The following NXNL2 variants were observed in gnomAD, a reference collection of about 807,000 sequenced individuals.
NXNL2 encodes the protein nucleoredoxin-like protein 2.
NXNL2 carries 7 observed loss-of-function variants against 11.1 expected under a neutral mutation model. The observed-to-expected ratio is 0.63, with a 90% confidence interval of 0.36 to 1.18. NXNL2 has a LOEUF of 1.18. NXNL2 is among the 50% of genes most tolerant of loss of function. NXNL2 has a pLI of 0.02. For missense variants in NXNL2, 233 were observed against 217.7 expected, an observed-to-expected ratio of 1.07 and a Z score of -0.44; for synonymous variants, 109 against 101.8, an observed-to-expected ratio of 1.07 and a Z score of -0.42.
chr9:88,572,517 G>C (rs983086684), intron 2 of NXNL2, among the ~76,000 whole-genome samples: 121 of 152,130 alleles, frequency 8.0e-4, no homozygotes, highest in Non-Finnish European at 2.2e-4. Flanking sequence ...GACGAATGAC[G>C]GGCCTTTGGA....
chr9:88,563,167 G>T (rs979803236), intron 1 of NXNL2, among the ~76,000 whole-genome samples: 1 of 152,162 alleles, frequency 6.6e-6, no homozygotes, highest in Non-Finnish European at 1.5e-5. Context: ...GAGATAGACC[G>T]ACTTGATTCC....
At chr9:88,549,191 C>A (rs1396773812), downstream of NXNL2, among the ~76,000 whole-genome samples, 1 of 152,208 alleles carries the variant, frequency 6.6e-6, no homozygotes, top group Non-Finnish European at 1.5e-5. Flanking sequence ...ATCCATTGGT[C>A]TGTCCCTTCT....
At chr9:88,545,356 C>T (rs1829832876), downstream of NXNL2, among the ~76,000 whole-genome samples, 1 of 152,194 alleles carries the variant, frequency 6.6e-6, no homozygotes, top group Non-Finnish European at 1.5e-5. Context: ...TCTTTCCAGC[C>T]TCATTCTTAT....
intron 1 of NXNL2, among the ~76,000 whole-genome samples, chr9:88,566,008 C>T (rs1830165475): frequency 6.6e-6 from 1 of 152,054 alleles, no homozygotes; most frequent in South Asian, 2.1e-4. Context: ...AGTCCTAATC[C>T]CATTTTTAAT....
downstream of NXNL2, among the ~76,000 whole-genome samples, chr9:88,578,605 CG>C (rs374293873): frequency 7.7e-4 from 118 of 152,328 alleles, 1 homozygote; most frequent in East Asian, 0.014. Context: ...TTGGGAAGTC[CG>C]GTCCGGCTGG....
intron 1 of NXNL2, among the ~76,000 whole-genome samples, chr9:88,562,158 G>A (rs1338484123): frequency 6.6e-6 from 1 of 152,202 alleles, no homozygotes; most frequent in African/African-American, 2.4e-5. Flanking sequence ...AATTAATGTG[G>A]AGGAAAAGGA....
At chr9:88,559,258 C>T (rs147677409) in intron 1 of NXNL2, among the ~76,000 whole-genome samples, 51 of 152,182 alleles carry the variant, frequency 3.4e-4, no homozygotes, top group African/African-American at 1.2e-3. Flanking sequence ...GCTCATGGCC[C>T]GTGGACTACA....
At chr9:88,547,570 A>C (rs1829861690), downstream of NXNL2, among the ~76,000 whole-genome samples, 2 of 152,140 alleles carry the variant, frequency 1.3e-5, no homozygotes, top group African/African-American at 4.8e-5. Context: ...AACACCATGG[A>C]GGTACCTTAA....
intron 1 of NXNL2, among the ~76,000 whole-genome samples, chr9:88,583,295 T>A (rs932828353): frequency 5.3e-5 from 8 of 152,252 alleles, no homozygotes; most frequent in Non-Finnish European, 1.0e-4. Flanking sequence ...CTCAGTGTTA[T>A]CTTCTTAGTT....
rs566414160 is a variant in NXNL2, at chr9:88,555,807, A to C, written c.303-15280A>C. On this transcript the variant is annotated intron_variant, in intron 1 of 2. Coordinates refer to the NXNL2 transcript ENST00000375855. The stretch of plus-strand genomic sequence containing the variant: ...TGCGCTCAGTTCTTGCTACTGTCCC[A>C]GATCCTTCACCTTCTGTGGGCAAGC... Among the ~76,000 whole-genome samples the C allele has an allele frequency of 1.8e-3, 271 of 152,252 alleles. 1 individual carries two copies. The highest frequency in any genetic ancestry group is 6.3e-3 in the African/African-American group (260 of 41,554).
intron 1 of NXNL2, among the ~76,000 whole-genome samples, chr9:88,556,084 G>T (rs1830007103): frequency 6.6e-6 from 1 of 152,190 alleles, no homozygotes; most frequent in African/African-American, 2.4e-5. Context: ...CCCCAAGCGG[G>T]TGTTACAGTG....
chr9:88,564,046 A>G (rs1201124966), intron 1 of NXNL2, among the ~76,000 whole-genome samples: 5 of 151,884 alleles, frequency 3.3e-5, no homozygotes, highest in Non-Finnish European at 7.4e-5. Flanking sequence ...CCCTGTCTCT[A>G]CTAAAAATAA....
In NXNL2 at chr9:88,535,471, T is replaced by C; in HGVS notation, c.37T>C (p.Cys13Arg). 1.9e-6 allele frequency: 3 copies of C among 1,608,294 alleles called. No homozygotes were observed. Among genetic ancestry groups the C allele is most frequent in the Non-Finnish European group, 2.5e-6 (3 of 1,178,276 alleles). ...TCTGGGCGAGCGGCACCTGGTGACC[T>C]GTAAGGGCGCGACGGTGGAGGCCGA... ...DILGERHLVT[C>R]KGATVEAEAA... Residue 13 changes from cysteine (C) to arginine (R), a missense_variant, in exon 1 of 2, where the codon TGT becomes CGT. Cys to Arg is a radical substitution (Grantham distance 180, BLOSUM62 -3). Transcript: ENST00000375854.
At chr9:88,576,069 C>T (rs1345145268), downstream of NXNL2, among the ~76,000 whole-genome samples, 2 of 152,076 alleles carry the variant, frequency 1.3e-5, no homozygotes, top group Non-Finnish European at 2.9e-5. Context: ...GTGGTGGGCA[C>T]CTGTAATCCC....
intron 2 of NXNL2, among the ~76,000 whole-genome samples, chr9:88,572,030 G>A (rs372383556): frequency 6.6e-6 from 1 of 152,260 alleles, no homozygotes. Context: ...GTGTCCCAAG[G>A]CTGAGGAGCA....
chr9:88,557,322 TAA>T (rs1180419056), intron 1 of NXNL2, among the ~76,000 whole-genome samples: 3 of 152,286 alleles, frequency 2.0e-5, no homozygotes, highest in African/African-American at 7.2e-5. Flanking sequence ...ACATTGGCTT[TAA>T]AAGAGACCTG....
chr9:88,551,325 C>A (rs879418744), intron 1 of NXNL2, among the ~76,000 whole-genome samples: 1 of 152,086 alleles, frequency 6.6e-6, no homozygotes, highest in African/African-American at 2.4e-5. Flanking sequence ...CTAGATTGGA[C>A]CTCTAACATC....
chr9:88,537,279 G>T (rs1259671024), intron 1 of NXNL2, among the ~76,000 whole-genome samples: 1 of 152,110 alleles, frequency 6.6e-6, no homozygotes, highest in Non-Finnish European at 1.5e-5. Context: ...TCTTTCTGCC[G>T]TGCCCTACTT....
intron 1 of NXNL2, among the ~76,000 whole-genome samples, chr9:88,570,512 A>G (rs1830244964): frequency 6.6e-6 from 1 of 152,174 alleles, no homozygotes. Context: ...TTTAAATGCA[A>G]ACTCCTGGGC....
Sources: gnomAD v4.1 joint callset for allele counts (sites outside exome capture counted in the v4.1 genomes callset) on GRCh38, gnomAD v4.1.1 for gene constraint, MANE v1.5 for transcripts, NCBI Gene and HGNC (gene_info 2026-07-23, HGNC 2026-07-21) for gene names.